CSMD1: variants seen among roughly 807,000 people sequenced by gnomAD.
The protein encoded by CSMD1 is CUB and sushi domain-containing protein 1.
CSMD1 carries 213 observed loss-of-function variants against 417.5 expected under a neutral mutation model. The ratio of observed to expected loss-of-function variants is 0.51; its 90% confidence interval spans 0.46 to 0.57. The LOEUF (loss-of-function observed/expected upper bound fraction) is 0.57, where lower values mean the gene tolerates loss of function less well. Ranked by LOEUF, CSMD1 falls within the 20% of genes least tolerant of loss-of-function variation. The pLI, the probability that CSMD1 is intolerant of heterozygous loss-of-function variation, is 0.00. For missense variants in CSMD1, 6,923 were observed against 4,529.7 expected (o/e 1.53, Z -15.17); for synonymous variants, 2,862 against 1,736.8 (o/e 1.65, Z -16.11).
chr8:4,466,690 G>T (rs893970096), intron 2 of CSMD1, among the ~76,000 whole-genome samples: 1 of 152,056 alleles, frequency 6.6e-6, no homozygotes, highest in Admixed American at 6.6e-5. Context: ...ATGTTCTCCA[G>T]TCCCAGCTTT....
At chr8:4,831,603 C>A (rs1274405644) in intron 1 of CSMD1, among the ~76,000 whole-genome samples, 2 of 152,008 alleles carry the variant, frequency 1.3e-5, no homozygotes, top group Non-Finnish European at 2.9e-5. Context: ...GTTGACTCCA[C>A]AGCCACCTGG....
At chr8:3,925,373 A>G (rs536615322) in intron 5 of CSMD1, among the ~76,000 whole-genome samples, 1 of 152,220 alleles carries the variant, frequency 6.6e-6, no homozygotes, top group South Asian at 2.1e-4. Context: ...TCAAATGACA[A>G]TTTAATATTA....
chr8:3,961,847 G>A (rs1245676610), intron 5 of CSMD1, among the ~76,000 whole-genome samples: 1 of 152,286 alleles, frequency 6.6e-6, no homozygotes, highest in South Asian at 2.1e-4. Context: ...GCATCATGAG[G>A]AAGAGATGTC....
chr8:3,578,538 G>T (rs1017956021), intron 9 of CSMD1, among the ~76,000 whole-genome samples: 6 of 152,188 alleles, frequency 3.9e-5, no homozygotes, highest in African/African-American at 1.4e-4. Context: ...CTATTGGGGG[G>T]CTGTATTGAA....
At chr8:4,247,620 G>A (rs1771040723) in intron 3 of CSMD1, among the ~76,000 whole-genome samples, 1 of 152,148 alleles carries the variant, frequency 6.6e-6, no homozygotes, top group Non-Finnish European at 1.5e-5. Flanking sequence ...AAGGAGAAGA[G>A]CAGAGGTAGA....
chr8:4,728,781 C>G (rs181520009), intron 1 of CSMD1, among the ~76,000 whole-genome samples: 1 of 152,100 alleles, frequency 6.6e-6, no homozygotes, highest in African/African-American at 2.4e-5. Flanking sequence ...AACCAGATGT[C>G]TGCTGCCACC....
intron 4 of CSMD1, among the ~76,000 whole-genome samples, chr8:4,016,873 G>A (rs544304366): frequency 1.3e-5 from 2 of 152,238 alleles, no homozygotes; most frequent in African/African-American, 4.8e-5. Flanking sequence ...TTTTAGTTGG[G>A]TATGGTTCAC....
chr8:2,983,508 T>C, intron 54 of CSMD1, among the ~76,000 whole-genome samples: 1 of 152,274 alleles, frequency 6.6e-6, no homozygotes, highest in Middle Eastern at 3.4e-3. Context: ...ATTTTTAACT[T>C]CATTTATTTA....
intron 10 of CSMD1, among the ~76,000 whole-genome samples, chr8:3,498,135 C>G (rs1796443917): frequency 6.6e-6 from 1 of 152,150 alleles, no homozygotes; most frequent in Non-Finnish European, 1.5e-5. Flanking sequence ...CCTGTTCTCC[C>G]CTAGCCTGTA....
chr8:3,648,290 A>C (rs911394996), intron 7 of CSMD1, among the ~76,000 whole-genome samples: 1 of 152,346 alleles, frequency 6.6e-6, no homozygotes, highest in African/African-American at 2.4e-5. Flanking sequence ...ATATATTTCA[A>C]ATCTGCCCTA....
intron 10 of CSMD1, among the ~76,000 whole-genome samples, chr8:3,507,407 T>A (rs182892316): frequency 6.6e-6 from 1 of 152,232 alleles, no homozygotes; most frequent in Non-Finnish European, 1.5e-5. Context: ...TCTATCATTG[T>A]TGGACATTTG....
chr8:3,441,760 A>G (rs974844783), intron 12 of CSMD1, among the ~76,000 whole-genome samples: 3 of 152,152 alleles, frequency 2.0e-5, no homozygotes, highest in South Asian at 2.1e-4. Context: ...ACACTTGATA[A>G]TAATAAGTGA....
chr8:3,243,922 C>A (rs1228210139), intron 26 of CSMD1, among the ~76,000 whole-genome samples: 1 of 151,960 alleles, frequency 6.6e-6, no homozygotes, highest in Non-Finnish European at 1.5e-5. Context: ...GTTTTTTAAA[C>A]GTTATGTAAA....
intron 26 of CSMD1, among the ~76,000 whole-genome samples, chr8:3,277,528 G>T (rs1453073604): frequency 1.3e-5 from 2 of 152,138 alleles, no homozygotes; most frequent in East Asian, 1.9e-4. Context: ...TGTGGTGTGA[G>T]ATCTACAGAG....
intron 52 of CSMD1, among the ~76,000 whole-genome samples, chr8:3,008,138 T>C (rs1808094727): frequency 1.3e-5 from 2 of 152,148 alleles, no homozygotes; most frequent in African/African-American, 2.4e-5. Context: ...TCCATTTTCA[T>C]AGCAAAGAAA....
chr8:4,848,189 G>A (rs1274039677), intron 1 of CSMD1, among the ~76,000 whole-genome samples: 1 of 152,150 alleles, frequency 6.6e-6, no homozygotes, highest in Admixed American at 6.5e-5. Context: ...TTCATTGTAT[G>A]GAAATGGCAC....
chr8:3,893,339 T>TTATATATATATATATATATATATAGA (rs56848640), intron 5 of CSMD1, among the ~76,000 whole-genome samples: 1 of 80,440 alleles, frequency 1.2e-5, no homozygotes, highest in African/African-American at 3.6e-5. Context: ...ATTCACAATT[T>TTATATATATATATATATATATATAGA]TATATATATA....
At chr8:4,162,296 A>C (rs1303171440) in intron 3 of CSMD1, among the ~76,000 whole-genome samples, 1 of 152,210 alleles carries the variant, frequency 6.6e-6, no homozygotes, top group African/African-American at 2.4e-5. Flanking sequence ...TTGCTAAAGA[A>C]AACTCAGCAA....
chr8:4,700,193 G>C (rs1310735187), intron 1 of CSMD1, among the ~76,000 whole-genome samples: 2 of 151,950 alleles, frequency 1.3e-5, no homozygotes, highest in Non-Finnish European at 2.9e-5. Flanking sequence ...ACAAAATCTT[G>C]AAATCTTAGA....
Sources: allele counts gnomAD v4.1 joint callset (sites outside exome capture counted in the v4.1 genomes callset), GRCh38; gene constraint gnomAD v4.1.1; transcripts MANE v1.5; gene names NCBI Gene and HGNC (gene_info 2026-07-23, HGNC 2026-07-21).